The following FLNB variants were observed in gnomAD, a reference collection of about 807,000 sequenced individuals.
The protein encoded by FLNB is filamin B.
In FLNB, 111 loss-of-function variants were observed where a neutral mutation model predicts 250.6. The ratio of observed to expected loss-of-function variants is 0.44; its 90% CI spans 0.38 to 0.52. The LOEUF (loss-of-function observed/expected upper bound fraction) is 0.52, where lower values mean the gene tolerates loss of function less well. Among genes scored for constraint, FLNB ranks in the 20% least tolerant of loss-of-function variants. FLNB has a pLI of 0.00. For missense variants in FLNB, 2,869 were observed against 3,447.8 expected, an observed-to-expected ratio of 0.83 and a Z score of 4.20; for synonymous variants, 1,302 against 1,372.1, an observed-to-expected ratio of 0.95 and a Z score of 1.13.
At chr3:58,044,127 C>G (rs2106812512) in intron 1 of FLNB, among the ~76,000 whole-genome samples, 1 of 152,264 alleles carries the variant, frequency 6.6e-6, no homozygotes, top group South Asian at 2.1e-4. Flanking sequence ...AGTCAGGTTC[C>G]ACCCCAGTCC....
At chr3:58,091,084 A>G (rs913993172) in intron 4 of FLNB, among the ~76,000 whole-genome samples, 7 of 152,214 alleles carry the variant, frequency 4.6e-5, no homozygotes, top group African/African-American at 1.7e-4. Context: ...TCTCAAAAAA[A>G]AAAAAAAAAA....
At position 58,138,500 on chromosome 3, in the gene FLNB, G is replaced by C; in HGVS notation, c.5080G>C (p.Asp1694His). ...YVIYVRFGGV[D>H]IPNSPFTVMA... ...GATCTATGTGCGCTTCGGTGGTGTT[G>C]ATATTCCTAACAGCCCCTTCACTGT... Residue 1694 changes from aspartate to histidine, a missense_variant, in exon 29 of 46, where the codon GAT (aspartate) becomes CAT (histidine). By Grantham distance (81) the Asp-to-His change is moderately conservative. Transcript: ENST00000295956. The C allele has an allele frequency of 6.2e-7, 1 of 1,614,202 alleles. No individual in the cohort carries two copies. The highest frequency in any genetic ancestry group is 8.5e-7 in the Non-Finnish European group (1 of 1,180,042).
At chr3:58,086,505 C>T (rs945942061) in intron 4 of FLNB, among the ~76,000 whole-genome samples, 4 of 152,134 alleles carry the variant, frequency 2.6e-5, no homozygotes, top group Non-Finnish European at 4.4e-5. Context: ...CTTTGCTTTG[C>T]ATTTCTTACT....
intron 1 of FLNB, among the ~76,000 whole-genome samples, chr3:58,073,480 A>G (rs891869421): frequency 1.1e-4 from 17 of 152,156 alleles, no homozygotes; most frequent in African/African-American, 2.7e-4. Flanking sequence ...CAGGACCTCA[A>G]AAGGAGGGCT....
chr3:58,100,373 A>ATAT (rs1553696152), intron 8 of FLNB, among the ~76,000 whole-genome samples: 1 of 104,386 alleles, frequency 9.6e-6, no homozygotes, highest in Non-Finnish European at 1.8e-5. Flanking sequence ...GTAAAAAAAA[A>ATAT]ATATATATAT....
At chr3:58,049,981 A>G (rs2097159799) in intron 1 of FLNB, among the ~76,000 whole-genome samples, 1 of 149,644 alleles carries the variant, frequency 6.7e-6, no homozygotes, top group African/African-American at 2.5e-5. Flanking sequence ...CACTCACAAA[A>G]CTTCCTTTTA....
At chr3:58,118,777 G>A in intron 18 of FLNB, 95 bp from the exon 19 acceptor site, 1 of 879,020 alleles carries the variant, frequency 1.1e-6, no homozygotes, top group East Asian at 2.4e-5. Context: ...AGTCTCCCCT[G>A]TCCGTGAGAA....
chr3:58,070,246 T>C (rs1174076603), intron 1 of FLNB, among the ~76,000 whole-genome samples: 1 of 152,020 alleles, frequency 6.6e-6, no homozygotes, highest in African/African-American at 2.4e-5. Flanking sequence ...GGTTTCACCA[T>C]GTTGGCCAGG....
chr3:58,172,062 T>C lies in FLNB; in HGVS notation c.*1300T>C, dbSNP rs1163968071. ...CTTAGTCCTGAGGAAGTGGCCACTC[T>C]TGTGGCAGGTGTAGTATCTGGGGCG... On this transcript the variant is annotated 3_prime_UTR_variant, in exon 46 of 46. Coordinates refer to ENST00000295956, the MANE Select transcript of FLNB (RefSeq NM_001457.4). 3.9e-5 allele frequency: 6 copies of C among 152,548 alleles called. No homozygotes were observed. The highest frequency in any genetic ancestry group is 7.3e-5 in the Non-Finnish European group (5 of 68,092). 9.4% of individuals were successfully genotyped at this position (152,548 alleles called of 1,614,324 possible).
At chr3:58,127,758 A>G (rs1450910933) in intron 24 of FLNB, among the ~76,000 whole-genome samples, 1 of 152,224 alleles carries the variant, frequency 6.6e-6, no homozygotes, top group Admixed American at 6.5e-5. Context: ...ATATGACTTA[A>G]GTAGTGAAAG....
At chr3:58,140,019 C>T (rs2097323916) in intron 29 of FLNB, among the ~76,000 whole-genome samples, 1 of 152,330 alleles carries the variant, frequency 6.6e-6, no homozygotes, top group Middle Eastern at 3.4e-3. Flanking sequence ...TTACCCACTG[C>T]CCCCTGACCA....
intron 1 of FLNB, among the ~76,000 whole-genome samples, chr3:58,063,879 T>C (rs1410346804): frequency 4.6e-5 from 7 of 152,088 alleles, no homozygotes; most frequent in Admixed American, 1.3e-4. Flanking sequence ...ACCTATCCTA[T>C]TTATTATTAT....
intron 4 of FLNB, among the ~76,000 whole-genome samples, chr3:58,092,492 A>T (rs1002305409): frequency 2.0e-5 from 3 of 152,150 alleles, no homozygotes; most frequent in Non-Finnish European, 2.9e-5. Context: ...AATAATTTTT[A>T]AAAATTATAC....
Position 58,096,595 on chromosome 3 carries a change from G to A in FLNB, c.984+377G>A, listed in dbSNP as rs544143497. Among the ~76,000 whole-genome samples, 21 of 152,146 alleles carry A rather than the reference G, an allele frequency of 1.4e-4. No homozygotes were observed. The South Asian group carries it at 4.4e-3, about 32-fold the overall frequency. ...GTGGTCTCAGCTCACTGCAACCCCCGCCTCCTGGGCTCAAGCGATCCTCTC... is the reference window on the plus strand; with the variant it reads ...GTGGTCTCAGCTCACTGCAACCCCCACCTCCTGGGCTCAAGCGATCCTCTC... On this transcript the variant is annotated intron_variant, in intron 6 of 45. Transcript: ENST00000295956.
Position 58,168,869 on chromosome 3 carries a change from A to G in FLNB, c.7417+211A>G, listed in dbSNP as rs1043509659. 4 of 597,112 alleles carry G rather than the reference A, an allele frequency of 6.7e-6. No homozygotes were observed. The African/African-American group carries it at 7.4e-5, about 11-fold the overall frequency. 37.0% of individuals were successfully genotyped at this position (597,112 alleles called of 1,614,324 possible). The stretch of plus-strand genomic sequence containing the variant: ...CGTGCAGAAGTTGAGAAAGCATGTT[A>G]GGATGTTAGGTGGTTTTCTATCTCT... On this transcript the variant is annotated intron_variant, in intron 44 of 45. Coordinates refer to ENST00000295956, the MANE Select transcript of FLNB (RefSeq NM_001457.4).
chr3:58,078,838 T>C, intron 3 of FLNB, 24 bp downstream of exon 3: 1 of 1,578,488 alleles, frequency 6.3e-7, no homozygotes, highest in Non-Finnish European at 8.7e-7. Context: ...TGCCAGGTCC[T>C]GTGAGGCTGC....
intron 1 of FLNB, among the ~76,000 whole-genome samples, chr3:58,025,255 G>A (rs373655974): frequency 1.3e-5 from 2 of 149,542 alleles, no homozygotes; most frequent in Admixed American, 6.7e-5. Flanking sequence ...TCAGCCTCCC[G>A]AGTAGCTGGG....
chr3:58,026,782 G>A (rs548919112), intron 1 of FLNB, among the ~76,000 whole-genome samples: 114 of 152,290 alleles, frequency 7.5e-4, no homozygotes, highest in African/African-American at 1.8e-3. Flanking sequence ...ATACTGCAGC[G>A]CTACCAAATG....
intron 1 of FLNB, among the ~76,000 whole-genome samples, chr3:58,063,046 C>T (rs1019281117): frequency 2.3e-4 from 35 of 152,180 alleles, no homozygotes; most frequent in African/African-American, 8.2e-4. Context: ...GGAGTTACGA[C>T]TCTCATTTTG....
Sources: gnomAD v4.1 joint callset for allele counts (sites outside exome capture counted in the v4.1 genomes callset) on GRCh38, gnomAD v4.1.1 for gene constraint, MANE v1.5 for transcripts, NCBI Gene and HGNC (gene_info 2026-07-23, HGNC 2026-07-21) for gene names.